The following CA1 variants were observed in gnomAD, a reference collection of about 807,000 sequenced individuals.
CA1 encodes carbonic anhydrase 1.
A neutral mutation model predicts 28.8 loss-of-function variants in CA1; 27 were observed. That is an observed-to-expected ratio of 0.94 (90% CI 0.69 to 1.29). The LOEUF (loss-of-function observed/expected upper bound fraction) is 1.29, where lower values mean the gene tolerates loss of function less well. CA1 is among the 50% of genes most tolerant of loss of function. The pLI is 0.00. For synonymous variants in CA1, 121 were observed against 108.8 expected (o/e 1.11, Z -0.70); for missense variants, 335 against 310.5 (o/e 1.08, Z -0.59).
intron 1 of CA1, among the ~76,000 whole-genome samples, chr8:85,350,319 C>G (rs1809355040): frequency 6.6e-6 from 1 of 152,100 alleles, no homozygotes; most frequent in Non-Finnish European, 1.5e-5. Flanking sequence ...CTTCTGGAAT[C>G]AGAAAATTCT....
chr8:85,349,311 C>A (rs1585939822), intron 1 of CA1, among the ~76,000 whole-genome samples: 1 of 152,104 alleles, frequency 6.6e-6, no homozygotes, highest in South Asian at 2.1e-4. Flanking sequence ...AAGAGGCTTT[C>A]ACAGATGAGA....
At chr8:85,355,956 T>C (rs996473419) in intron 1 of CA1, among the ~76,000 whole-genome samples, 1 of 152,116 alleles carries the variant, frequency 6.6e-6, no homozygotes, top group Non-Finnish European at 1.5e-5. Flanking sequence ...ATAATTCCCA[T>C]GACAACGTGT....
At chr8:85,363,116 G>A (rs375776104) in intron 1 of CA1, among the ~76,000 whole-genome samples, 6 of 152,304 alleles carry the variant, frequency 3.9e-5, no homozygotes, top group South Asian at 4.1e-4. Context: ...TAAAGAAAAA[G>A]TAAAGGGAAC....
chr8:85,339,995 A>G (rs1005889366), intron 2 of CA1, among the ~76,000 whole-genome samples: 3 of 152,200 alleles, frequency 2.0e-5, no homozygotes. Flanking sequence ...GTGTGAGGTG[A>G]TGTGGCAAGT....
Position 85,329,747 on chromosome 8 carries a change from A to G in CA1, c.611T>C (p.Leu204Pro), listed in dbSNP as rs1244448175. The G allele has an allele frequency of 1.2e-6, 2 of 1,608,208 alleles. No homozygotes were observed. The highest frequency in any genetic ancestry group is 1.7e-6 in the Non-Finnish European group (2 of 1,176,896). Residue 204 changes from leucine (L) to proline (P), a missense_variant, in exon 7 of 8, where the codon CTT becomes CCT. Physicochemically the swap from Leu to Pro is moderately conservative, Grantham distance 98 (BLOSUM62 -3). Coordinates refer to ENST00000523022, the MANE Select transcript of CA1 (RefSeq NM_001128831.4). Reference sequence around the variant, plus strand: ...GATGATCCAAGTTACACTCTCATAAAGAGGAGGATGAGTCAGAGAGCCAGG... The same window carrying G: ...GATGATCCAAGTTACACTCTCATAAGGAGGAGGATGAGTCAGAGAGCCAGG... ...TYPGSLTHPP[L>P]YESVTWIICK...
intron 1 of CA1, among the ~76,000 whole-genome samples, chr8:85,344,311 T>TATATAA (rs1554696835): frequency 1.5e-3 from 31 of 21,042 alleles, no homozygotes; most frequent in African/African-American, 4.0e-3. Context: ...TAATTATATA[T>TATATAA]TATACAGTAT....
chr8:85,357,245 C>G (rs192384326), intron 1 of CA1, among the ~76,000 whole-genome samples: 20 of 152,242 alleles, frequency 1.3e-4, no homozygotes, highest in African/African-American at 4.6e-4. Flanking sequence ...AGATAAGAGA[C>G]AGTGGAGCTG....
At chr8:85,365,369 A>T (rs529782768) in intron 1 of CA1, among the ~76,000 whole-genome samples, 1 of 152,290 alleles carries the variant, frequency 6.6e-6, no homozygotes, top group South Asian at 2.1e-4. Flanking sequence ...GGTGAGATTA[A>T]ATGATTCTGA....
chr8:85,332,974 G>A (rs1808473855), intron 5 of CA1, among the ~76,000 whole-genome samples: 1 of 151,978 alleles, frequency 6.6e-6, no homozygotes. Flanking sequence ...TTGGTTACCC[G>A]GGCATACCCA....
At chr8:85,373,923 G>A (rs947582003) in intron 1 of CA1, among the ~76,000 whole-genome samples, 3 of 152,128 alleles carry the variant, frequency 2.0e-5, no homozygotes, top group Non-Finnish European at 2.9e-5. Context: ...GCCAGAGCTC[G>A]GGGGAGGAAG....
intron 1 of CA1, among the ~76,000 whole-genome samples, chr8:85,364,109 G>A (rs1809915492): frequency 6.6e-6 from 1 of 151,956 alleles, no homozygotes; most frequent in African/African-American, 2.4e-5. Flanking sequence ...CCAAAATGCT[G>A]GAGTTACAGG....
chr8:85,344,181 T>TATATAATTATATATTATACAGTATATA (rs1809044748), intron 1 of CA1, among the ~76,000 whole-genome samples: 2 of 117,888 alleles, frequency 1.7e-5, no homozygotes, highest in Non-Finnish European at 3.2e-5. Context: ...CTGTATATAA[T>TATATAATTATATATTATACAGTATATA]ATATAATTAT....
In CA1 at chr8:85,359,218, C is replaced by T. The variant is rs1023723047; in HGVS notation, c.-24-17559G>A. ...AAAGCCATATTCTCTTAATGGTTTT[C>T]AGAAGCCAAGGTAGAGAGGAAGTGC... On this transcript the variant is annotated intron_variant, in intron 1 of 7. Transcript: ENST00000523022. 4.6e-5 allele frequency among the ~76,000 whole-genome samples: 7 copies of T among 152,294 alleles called. No homozygotes were observed. The South Asian group carries it at 8.3e-4, about 18-fold the overall frequency.
Position 85,333,632 on chromosome 8 carries a change from A to C in CA1, c.355-12T>G. On this transcript the variant is annotated splice_polypyrimidine_tract_variant and intron_variant, in intron 4 of 7. Transcript: ENST00000523022. ...TGAGCTACGTGAAGCTAAAAATGATACTATGGTTAATTAATTATTTATACC... is the reference window on the plus strand; with the variant it reads ...TGAGCTACGTGAAGCTAAAAATGATCCTATGGTTAATTAATTATTTATACC... 1 of 1,526,538 alleles carries C rather than the reference A, an allele frequency of 6.6e-7. No homozygotes were observed. The highest frequency in any genetic ancestry group is 9.1e-7 in the Non-Finnish European group (1 of 1,101,918). The allele number at this position is 1,526,538 out of a possible 1,614,324, so 94.6% of individuals were successfully genotyped here.
intron 1 of CA1, among the ~76,000 whole-genome samples, chr8:85,365,855 G>A (rs1188955646): frequency 6.6e-6 from 1 of 152,154 alleles, no homozygotes; most frequent in Non-Finnish European, 1.5e-5. Context: ...GGAAGGCCTA[G>A]GGACCTCCAA....
At chr8:85,336,769 T>G (rs1293696779) in intron 4 of CA1, among the ~76,000 whole-genome samples, 176 bp downstream of exon 4, 2 of 152,142 alleles carry the variant, frequency 1.3e-5, no homozygotes, top group Admixed American at 6.5e-5. Flanking sequence ...CATGAAAATT[T>G]TCTCTCTCTT....
intron 1 of CA1, among the ~76,000 whole-genome samples, chr8:85,357,687 G>A (rs1809653176): frequency 6.6e-6 from 1 of 152,224 alleles, no homozygotes; most frequent in Non-Finnish European, 1.5e-5. Flanking sequence ...TTTGTCTCTG[G>A]GACTTAACAT....
At chr8:85,362,887 A>C (rs2130353853) in intron 1 of CA1, among the ~76,000 whole-genome samples, 1 of 152,306 alleles carries the variant, frequency 6.6e-6, no homozygotes, top group Admixed American at 6.5e-5. Flanking sequence ...TAGATACCTG[A>C]GAAGAAGCAA....
chr8:85,348,192 A>G (rs975444970), intron 1 of CA1, among the ~76,000 whole-genome samples: 9 of 152,162 alleles, frequency 5.9e-5, no homozygotes, highest in Non-Finnish European at 1.2e-4. Flanking sequence ...GATTTCCCCC[A>G]TAAGATTTCT....
Sources: gnomAD v4.1 joint callset for allele counts (sites outside exome capture counted in the v4.1 genomes callset) on GRCh38, gnomAD v4.1.1 for gene constraint, MANE v1.5 for transcripts, NCBI Gene and HGNC (gene_info 2026-07-23, HGNC 2026-07-21) for gene names.